Variants in PTPRT observed in about 807,000 individuals in gnomAD.
PTPRT encodes receptor-type tyrosine-protein phosphatase T.
A neutral mutation model predicts 176.8 loss-of-function variants in PTPRT; 56 were observed. That is an observed-to-expected ratio of 0.32 (90% CI 0.26 to 0.40). The LOEUF is 0.40. PTPRT is among the 10% of genes least tolerant of loss of function. PTPRT has a pLI of 1.00. For missense variants in PTPRT, 1,540 were observed against 1,908.2 expected, an observed-to-expected ratio of 0.81 and a Z score of 3.60; for synonymous variants, 783 against 739.0, an observed-to-expected ratio of 1.06 and a Z score of -0.96.
intron 9 of PTPRT, among the ~76,000 whole-genome samples, chr20:42,387,908 C>T (rs1169259825): frequency 1.3e-5 from 2 of 151,888 alleles, no homozygotes; most frequent in East Asian, 3.9e-4. Context: ...TCTCCTGCCT[C>T]AGCCTCCTGA....
chr20:42,659,762 A>G (rs918850667), intron 7 of PTPRT, among the ~76,000 whole-genome samples: 1 of 152,194 alleles, frequency 6.6e-6, no homozygotes, highest in Non-Finnish European at 1.5e-5. Flanking sequence ...TATATAAAAT[A>G]GTGTGGGTCA....
At chr20:42,971,286 C>T (rs1982622732) in intron 1 of PTPRT, 1 of 152,184 alleles carries the variant, frequency 6.6e-6, no homozygotes, top group Non-Finnish European at 1.5e-5. Context: ...GAAGCAAGTT[C>T]CCCACCCCTT....
At chr20:43,144,841 TA>T (rs1223633470) in intron 1 of PTPRT, among the ~76,000 whole-genome samples, 1 of 152,174 alleles carries the variant, frequency 6.6e-6, no homozygotes, top group Non-Finnish European at 1.5e-5. Flanking sequence ...CATCACTGCT[TA>T]AAATTTATAA....
At chr20:42,032,025 T>G in the PTPRT span, among the ~76,000 whole-genome samples, 1 of 152,162 alleles carries the variant, frequency 6.6e-6, no homozygotes, top group Admixed American at 6.6e-5. Context: ...GTCACACATC[T>G]AGTAAATGGC....
At chr20:42,697,529 C>T (rs1048997117) in intron 6 of PTPRT, among the ~76,000 whole-genome samples, 5 of 152,210 alleles carry the variant, frequency 3.3e-5, no homozygotes, top group African/African-American at 1.2e-4. Context: ...TGTTTGCACA[C>T]ATGGAACTCA....
intron 7 of PTPRT, among the ~76,000 whole-genome samples, chr20:42,659,108 C>G (rs979182780): frequency 6.6e-6 from 1 of 151,926 alleles, no homozygotes; most frequent in Admixed American, 6.6e-5. Context: ...TTCATCATTG[C>G]TACGAAATGC....
At chr20:42,836,678 G>A (rs2078186953) in intron 2 of PTPRT, among the ~76,000 whole-genome samples, 1 of 152,140 alleles carries the variant, frequency 6.6e-6, no homozygotes, top group Admixed American at 6.5e-5. Flanking sequence ...TCCTTAATCG[G>A]CCACTGAATT....
Position 42,996,456 on chromosome 20 carries a change from C to T in PTPRT, c.89-110524G>A, listed in dbSNP as rs188596604. On this transcript the variant is annotated intron_variant, in intron 1 of 30. Coordinates refer to ENST00000373187, the MANE Select transcript of PTPRT (RefSeq NM_007050.6). The stretch of plus-strand genomic sequence containing the variant: ...GGAAGAGAAAGAGGGAAGATGTATC[C>T]GTGATTGCTTCCTTCCAGACTGGCA... 6.4e-3 allele frequency among the ~76,000 whole-genome samples: 971 copies of T among 152,186 alleles called. 13 individuals carry two copies. The highest frequency in any genetic ancestry group is 0.02 in the African/African-American group (847 of 41,496).
At chr20:42,613,836 T>C (rs1449650890) in intron 7 of PTPRT, among the ~76,000 whole-genome samples, 1 of 152,192 alleles carries the variant, frequency 6.6e-6, no homozygotes, top group African/African-American at 2.4e-5. Flanking sequence ...TTGAGCTATC[T>C]CTTTAATAAT....
intron 9 of PTPRT, among the ~76,000 whole-genome samples, chr20:42,363,423 G>T (rs1195729321): frequency 6.2e-5 from 9 of 145,644 alleles, no homozygotes; most frequent in Non-Finnish European, 8.9e-5. Flanking sequence ...CAATTCTCCT[G>T]CCTCAGCCTC....
intron 16 of PTPRT, among the ~76,000 whole-genome samples, chr20:42,184,982 G>T (rs955512585): frequency 1.3e-5 from 2 of 151,912 alleles, no homozygotes; most frequent in South Asian, 2.1e-4. Flanking sequence ...TCACCTAGAA[G>T]AATTTGATAT....
intron 7 of PTPRT, among the ~76,000 whole-genome samples, chr20:42,557,228 A>G (rs1407820319): frequency 1.3e-5 from 2 of 152,216 alleles, no homozygotes; most frequent in South Asian, 4.1e-4. Context: ...AGTACTCATT[A>G]TATATCAGTT....
At chr20:42,972,175 T>C (rs1268461856) in intron 1 of PTPRT, among the ~76,000 whole-genome samples, 1 of 143,394 alleles carries the variant, frequency 7.0e-6, no homozygotes, top group Non-Finnish European at 1.6e-5. Flanking sequence ...ATTTGTTTGT[T>C]TGGGGAGGGG....
chr20:42,675,257 T>C (rs950961381), intron 7 of PTPRT, among the ~76,000 whole-genome samples: 1 of 152,234 alleles, frequency 6.6e-6, no homozygotes, highest in African/African-American at 2.4e-5. Context: ...GTGTTGAGCA[T>C]CCCTTATCCA....
In PTPRT at chr20:42,567,294, A is replaced by C. The variant is rs147563189; in HGVS notation, c.1154-94732T>G. 6.3e-3 allele frequency among the ~76,000 whole-genome samples: 942 copies of C among 150,076 alleles called. 7 individuals are homozygous for C. The highest frequency in any genetic ancestry group is 0.011 in the Non-Finnish European group (758 of 67,804). On this transcript the variant is annotated intron_variant, in intron 7 of 30. Coordinates refer to ENST00000373187, the MANE Select transcript of PTPRT (RefSeq NM_007050.6). ...CATCTCAAACAAAAAAAAATAAAAG[A>C]GAGAGAGAGAGAGAGAAAAAAAACG...
At position 42,227,463 on chromosome 20, in the gene PTPRT, A is replaced by C. The variant is rs200275410; in HGVS notation, c.2342+8766T>G. Among the ~76,000 whole-genome samples, 67 of 152,234 alleles carry C rather than the reference A, an allele frequency of 4.4e-4. No homozygotes were observed. The East Asian group carries it at 0.012, about 27-fold the overall frequency. ...AATGCACTCTTCATTGCCTATGAAC[A>C]CTTTGCCTACCGATTGGGGTCATTA... On this transcript the variant is annotated intron_variant, in intron 15 of 30. Transcript: ENST00000373187.
chr20:42,864,064 C>G (rs2078704507), intron 2 of PTPRT, among the ~76,000 whole-genome samples: 1 of 152,234 alleles, frequency 6.6e-6, no homozygotes, highest in Non-Finnish European at 1.5e-5. Context: ...CTGAGGTCCC[C>G]TCTCTCAATC....
Position 42,462,192 on chromosome 20 carries a change from G to C in PTPRT, c.1450+10074C>G, listed in dbSNP as rs992309574. Among the ~76,000 whole-genome samples, 3 of 152,166 alleles carry C rather than the reference G, an allele frequency of 2.0e-5. No homozygotes were observed. The East Asian group carries it at 5.8e-4, about 29-fold the overall frequency. On this transcript the variant is annotated intron_variant, in intron 8 of 30. Coordinates refer to ENST00000373187, the MANE Select transcript of PTPRT (RefSeq NM_007050.6). ...AGTTCCTCAGTCTATTAGGTAACAA[G>C]GTCATCTGTGGAAGTGAGAACAGGT... is the stretch of plus-strand genomic sequence containing the variant.
intron 1 of PTPRT, among the ~76,000 whole-genome samples, chr20:43,152,218 A>G (rs2014377361): frequency 6.6e-6 from 1 of 152,258 alleles, no homozygotes; most frequent in Non-Finnish European, 1.5e-5. Flanking sequence ...CAAGAAAAAA[A>G]AAATGGAAGG....
Sources: gnomAD v4.1 joint callset for allele counts (sites outside exome capture counted in the v4.1 genomes callset) on GRCh38, gnomAD v4.1.1 for gene constraint, MANE v1.5 for transcripts, NCBI Gene and HGNC (gene_info 2026-07-23, HGNC 2026-07-21) for gene names.